TMEM117: variants seen among roughly 807,000 people sequenced by gnomAD.
The protein encoded by TMEM117 is transmembrane protein 117.
A neutral mutation model predicts 52.4 loss-of-function variants in TMEM117; 27 were observed. The observed-to-expected ratio is 0.51, with a 90% confidence interval of 0.38 to 0.71. The LOEUF is 0.71. Ranked by LOEUF, TMEM117 falls within the 30% of genes least tolerant of loss-of-function variation. The pLI, the probability that TMEM117 is intolerant of heterozygous loss-of-function variation, is 0.00. For synonymous variants in TMEM117, 215 were observed against 206.3 expected (o/e 1.04, Z -0.36); for missense variants, 556 against 630.5 (o/e 0.88, Z 1.26).
the TMEM117 span, among the ~76,000 whole-genome samples, chr12:44,398,475 C>T: frequency 1.3e-5 from 2 of 152,138 alleles, no homozygotes; most frequent in Admixed American, 1.3e-4. Flanking sequence ...AGTCACTTGG[C>T]CTCCAATCAA....
At chr12:44,078,160 A>G (rs951975227) in intron 3 of TMEM117, among the ~76,000 whole-genome samples, 1 of 152,216 alleles carries the variant, frequency 6.6e-6, no homozygotes, top group Non-Finnish European at 1.5e-5. Context: ...GAAATAGAAC[A>G]CTATTTATGT....
chr12:44,296,266 G>C (rs1236196014), intron 5 of TMEM117, among the ~76,000 whole-genome samples: 1 of 152,180 alleles, frequency 6.6e-6, no homozygotes, highest in East Asian at 1.9e-4. Flanking sequence ...CTCCCACTGG[G>C]TCACTAGGTG....
intron 2 of TMEM117, among the ~76,000 whole-genome samples, chr12:43,853,112 G>T (rs550900341): frequency 1.3e-5 from 2 of 152,308 alleles, no homozygotes; most frequent in South Asian, 4.1e-4. Context: ...ATTAATGTCT[G>T]ATTTCCCAGC....
At chr12:43,818,679 G>A in the TMEM117 span, among the ~76,000 whole-genome samples, 1 of 152,104 alleles carries the variant, frequency 6.6e-6, no homozygotes, top group Non-Finnish European at 1.5e-5. Context: ...TCTTGACCTC[G>A]TGATCCGACC....
At chr12:43,927,286 T>G (rs1944794678) in intron 2 of TMEM117, among the ~76,000 whole-genome samples, 1 of 152,054 alleles carries the variant, frequency 6.6e-6, no homozygotes, top group Admixed American at 6.5e-5. Context: ...ATCTTTGAGC[T>G]TCACTGAGGT....
At chr12:44,333,032 A>G (rs980578535) in intron 6 of TMEM117, among the ~76,000 whole-genome samples, 23 of 152,032 alleles carry the variant, frequency 1.5e-4, no homozygotes, top group African/African-American at 5.6e-4. Flanking sequence ...TTTTTATTAC[A>G]GTTTGATAAG....
At chr12:43,997,487 G>A (rs1337881056) in intron 3 of TMEM117, among the ~76,000 whole-genome samples, 3 of 151,858 alleles carry the variant, frequency 2.0e-5, no homozygotes, top group African/African-American at 7.3e-5. Context: ...TATTTAACTG[G>A]GACTAGTTAT....
rs79430401 is a variant in TMEM117 at position 44,311,291 on chromosome 12, G to C, written c.768+11552G>C. ...GTAGCTGAGTACATTCATTTGGCAAGTCGAATAAGGTCTAAAGCAGAGAAA... is the reference window on the plus strand; with the variant it reads ...GTAGCTGAGTACATTCATTTGGCAACTCGAATAAGGTCTAAAGCAGAGAAA... On this transcript the variant is annotated intron_variant, in intron 6 of 7. Transcript: ENST00000266534. Among the ~76,000 whole-genome samples, 983 of 152,178 alleles carry C rather than the reference G, an allele frequency of 6.5e-3. 3 individuals carry two copies. Among genetic ancestry groups the C allele is most frequent in the East Asian group, 0.024 (123 of 5,192 alleles).
intron 2 of TMEM117, among the ~76,000 whole-genome samples, chr12:43,885,389 G>GCCT (rs1346787629): frequency 4.7e-5 from 7 of 147,862 alleles, no homozygotes; most frequent in Non-Finnish European, 6.0e-5. Context: ...AGATTTAAGG[G>GCCT]CCTCCCCTAT....
chr12:43,861,472 A>G (rs771458298), intron 2 of TMEM117, among the ~76,000 whole-genome samples: 36 of 152,340 alleles, frequency 2.4e-4, no homozygotes, highest in East Asian at 5.8e-4. Context: ...ACTGAACTCT[A>G]TGCTATCCAC....
chr12:43,989,613 C>A (rs1288387562), intron 3 of TMEM117, among the ~76,000 whole-genome samples: 4 of 151,910 alleles, frequency 2.6e-5, no homozygotes, highest in Admixed American at 2.6e-4. Context: ...TCTTTTAATT[C>A]AAATGTATTT....
chr12:43,816,527 G>A, the TMEM117 span, among the ~76,000 whole-genome samples: 31 of 150,234 alleles, frequency 2.1e-4, no homozygotes, highest in Admixed American at 1.7e-3. Flanking sequence ...CCTCCTGTCC[G>A]TTACCTATGA....
At position 44,216,005 on chromosome 12, in the gene TMEM117, CTTTTTTTTTT is replaced by C. The variant is rs778425747; in HGVS notation, c.608+4629_608+4638del. On this transcript the variant is annotated intron_variant, in intron 5 of 7. Transcript: ENST00000266534. ...AGCTCCTTTCTTTCTTTCTTTCTTT[CTTTTTTTTTT>C]TTTTTTTTTTGAGACGGTTTCTTGC... 4.4e-3 allele frequency among the ~76,000 whole-genome samples: 484 copies of C among 110,820 alleles called. 4 individuals carry two copies. The highest frequency in any genetic ancestry group is 0.018 in the African/African-American group (455 of 25,888). The allele number at this position is 110,820 out of a possible 152,430, so 72.7% of individuals were successfully genotyped here.
Position 44,016,658 on chromosome 12 carries a change from G to A in TMEM117, c.410+72316G>A, listed in dbSNP as rs529065938. Among the ~76,000 whole-genome samples, 173 of 152,244 alleles carry A rather than the reference G, an allele frequency of 1.1e-3. 2 individuals are homozygous for A. In the Middle Eastern group the frequency reaches 0.014, roughly 12 times the overall value. On this transcript the variant is annotated intron_variant, in intron 3 of 7. Coordinates refer to ENST00000266534, the MANE Select transcript of TMEM117 (RefSeq NM_032256.3). ...TTGCCACACTTCCCTTTATTCTTTA[G>A]TGGAAATACAAAGTCACAGTTTTCT...
intron 3 of TMEM117, among the ~76,000 whole-genome samples, chr12:44,037,853 C>G (rs1490701587): frequency 1.4e-5 from 2 of 147,092 alleles, no homozygotes; most frequent in Non-Finnish European, 1.5e-5. Context: ...AGGGTCTCCT[C>G]TCTGCTGAGA....
chr12:44,132,484 T>G (rs1178074722), intron 3 of TMEM117, among the ~76,000 whole-genome samples: 1 of 152,094 alleles, frequency 6.6e-6, no homozygotes, highest in Non-Finnish European at 1.5e-5. Context: ...CATTTTTCTC[T>G]TTCATTCCTC....
chr12:44,105,394 G>C (rs1030403467), intron 3 of TMEM117, among the ~76,000 whole-genome samples: 3 of 151,848 alleles, frequency 2.0e-5, no homozygotes, highest in African/African-American at 7.3e-5. Flanking sequence ...AGAATCTTTA[G>C]AATATTAATC....
At chr12:43,804,450 G>T in the TMEM117 span, 1 of 1,192,270 alleles carries the variant, frequency 8.4e-7, no homozygotes, top group Non-Finnish European at 1.2e-6. Context: ...AAATACAACA[G>T]CCACTAATCC....
chr12:44,076,709 A>C (rs1424993990), intron 3 of TMEM117, among the ~76,000 whole-genome samples: 1 of 152,218 alleles, frequency 6.6e-6, no homozygotes, highest in African/African-American at 2.4e-5. Flanking sequence ...CTGATTATGC[A>C]TGGATAAACA....
Sources: allele counts gnomAD v4.1 joint callset (sites outside exome capture counted in the v4.1 genomes callset), GRCh38; gene constraint gnomAD v4.1.1; transcripts MANE v1.5; gene names NCBI Gene and HGNC (gene_info 2026-07-23, HGNC 2026-07-21).